The following SLC4A10 variants were observed in gnomAD, a reference collection of about 807,000 sequenced individuals.
SLC4A10 encodes sodium-driven chloride bicarbonate exchanger.
Under a neutral mutation model 137.7 loss-of-function variants are expected in SLC4A10, and 42 were observed. That is an observed-to-expected ratio of 0.30 (90% CI 0.24 to 0.39). The LOEUF is 0.39. SLC4A10 is among the 10% of genes least tolerant of loss of function. The probability of loss-of-function intolerance (pLI) is 1.00; values close to 1 mark genes in which losing one functional copy is unlikely to be tolerated. For synonymous variants in SLC4A10, 474 were observed against 464.1 expected (o/e 1.02, Z -0.27); for missense variants, 925 against 1,355.0 (o/e 0.68, Z 4.98).
At chr2:161,895,888 C>A (rs1199253838) in intron 11 of SLC4A10, among the ~76,000 whole-genome samples, 1 of 151,798 alleles carries the variant, frequency 6.6e-6, no homozygotes, top group East Asian at 1.9e-4. Flanking sequence ...ATGGTAGTTT[C>A]TTTTGCTGTG....
intron 1 of SLC4A10, among the ~76,000 whole-genome samples, chr2:161,706,901 A>G (rs2043734209): frequency 6.6e-6 from 1 of 151,610 alleles, no homozygotes; most frequent in Admixed American, 6.6e-5. Flanking sequence ...CAGTTATAAC[A>G]AAACATGCTT....
chr2:161,918,689 C>A (rs1687575996), intron 15 of SLC4A10, among the ~76,000 whole-genome samples: 1 of 152,130 alleles, frequency 6.6e-6, no homozygotes, highest in Non-Finnish European at 1.5e-5. Flanking sequence ...GCCTACTTCA[C>A]CTTGTTCCTT....
chr2:161,743,669 G>A (rs1022586065), intron 1 of SLC4A10, among the ~76,000 whole-genome samples: 11 of 151,688 alleles, frequency 7.3e-5, no homozygotes, highest in African/African-American at 2.4e-4. Context: ...CTATTTCTGT[G>A]GAGAATGTCA....
At chr2:161,910,272 A>G (rs533073740) in intron 15 of SLC4A10, among the ~76,000 whole-genome samples, 1 of 152,292 alleles carries the variant, frequency 6.6e-6, no homozygotes, top group South Asian at 2.1e-4. Flanking sequence ...ATAATATGGT[A>G]ATATACAGAC....
intron 15 of SLC4A10, among the ~76,000 whole-genome samples, chr2:161,922,019 T>A (rs1688232826): frequency 6.6e-6 from 1 of 152,148 alleles, no homozygotes; most frequent in Admixed American, 6.5e-5. Context: ...ATAGACAGGA[T>A]TCCTTCATGG....
intron 1 of SLC4A10, chr2:161,708,841 T>A: frequency 6.6e-7 from 1 of 1,526,030 alleles, no homozygotes. Flanking sequence ...TATGACCTCA[T>A]GAATTATGAT....
intron 1 of SLC4A10, among the ~76,000 whole-genome samples, chr2:161,653,279 G>A (rs906737260): frequency 4.6e-5 from 7 of 152,002 alleles, no homozygotes; most frequent in African/African-American, 7.3e-5. Flanking sequence ...GTTCCAAGTC[G>A]TCGCTATTGC....
chr2:161,969,020 A>G (rs1472355742), intron 23 of SLC4A10, among the ~76,000 whole-genome samples: 1 of 152,210 alleles, frequency 6.6e-6, no homozygotes, highest in African/African-American at 2.4e-5. Context: ...GAAATGTTGC[A>G]TTTCTGCAAT....
intron 1 of SLC4A10, among the ~76,000 whole-genome samples, chr2:161,670,936 T>A (rs1264981038): frequency 6.6e-6 from 1 of 152,134 alleles, no homozygotes; most frequent in Non-Finnish European, 1.5e-5. Flanking sequence ...ACATGTATGC[T>A]CCTCCTGAGT....
intron 15 of SLC4A10, among the ~76,000 whole-genome samples, chr2:161,917,589 A>AAAAG (rs1204956639): frequency 1.3e-5 from 2 of 151,840 alleles, no homozygotes; most frequent in South Asian, 2.1e-4. Flanking sequence ...AAAAAAAAAA[A>AAAAG]AAAGAAAGAA....
rs148338372 is a variant in SLC4A10 at position 161,918,629 on chromosome 2, G to A, written c.1997+12742G>A. ...TTCACCACTTATGGGTATGTGACAA[G>A]GAGGGCAAAATACCTTGGCTGGAGA... On this transcript the variant is annotated intron_variant, in intron 15 of 26. Transcript: ENST00000446997. Among the ~76,000 whole-genome samples, 912 of 152,282 alleles carry A rather than the reference G, an allele frequency of 6.0e-3. 8 individuals carry two copies. The highest frequency in any genetic ancestry group is 0.021 in the African/African-American group (859 of 41,544).
At chr2:161,761,780 G>T (rs752455650) in intron 1 of SLC4A10, among the ~76,000 whole-genome samples, 1 of 152,008 alleles carries the variant, frequency 6.6e-6, no homozygotes, top group Middle Eastern at 3.2e-3. Context: ...ACCAAAAGGA[G>T]CTCCAGCATT....
intron 7 of SLC4A10, among the ~76,000 whole-genome samples, chr2:161,872,745 G>A (rs955129086): frequency 2.6e-5 from 4 of 152,010 alleles, no homozygotes; most frequent in Admixed American, 6.6e-5. Context: ...GCAGAGTCTC[G>A]CTCTGTCACC....
chr2:161,744,298 G>A (rs1210429436), intron 1 of SLC4A10, among the ~76,000 whole-genome samples: 1 of 151,980 alleles, frequency 6.6e-6, no homozygotes, highest in Non-Finnish European at 1.5e-5. Context: ...GTTCAGGTAT[G>A]TTCCTTCTAT....
intron 1 of SLC4A10, among the ~76,000 whole-genome samples, chr2:161,723,592 C>T (rs1574578294): frequency 6.6e-6 from 1 of 152,164 alleles, no homozygotes; most frequent in Non-Finnish European, 1.5e-5. Flanking sequence ...CAATCTTCCT[C>T]AAGGTGTGCA....
chr2:161,926,388 T>A (rs1389599131), intron 15 of SLC4A10, among the ~76,000 whole-genome samples: 3 of 44,404 alleles, frequency 6.8e-5, no homozygotes, highest in Admixed American at 3.3e-4. Flanking sequence ...TTTTTTTGGT[T>A]TTTTTTTTTT....
intron 1 of SLC4A10, among the ~76,000 whole-genome samples, chr2:161,736,027 C>T (rs1559136702): frequency 1.4e-5 from 2 of 147,824 alleles, no homozygotes; most frequent in African/African-American, 2.6e-5. Flanking sequence ...CAATTTAAAA[C>T]TAGCTTTATT....
chr2:161,734,256 A>C (rs1277273137), intron 1 of SLC4A10, among the ~76,000 whole-genome samples: 1 of 151,950 alleles, frequency 6.6e-6, no homozygotes, highest in African/African-American at 2.4e-5. Context: ...CTGGAATTGT[A>C]CTCCCATAAT....
intron 1 of SLC4A10, among the ~76,000 whole-genome samples, chr2:161,731,380 A>G (rs2046807590): frequency 6.6e-6 from 1 of 152,160 alleles, no homozygotes; most frequent in Non-Finnish European, 1.5e-5. Flanking sequence ...ACATCTATAT[A>G]TTCAAAGATA....
Sources: allele counts gnomAD v4.1 joint callset (sites outside exome capture counted in the v4.1 genomes callset), GRCh38; gene constraint gnomAD v4.1.1; transcripts MANE v1.5; gene names NCBI Gene and HGNC (gene_info 2026-07-23, HGNC 2026-07-21).